MYO5A: variants seen among roughly 807,000 people sequenced by gnomAD.
The protein encoded by MYO5A is myosin VA, also known as unconventional myosin-Va.
Under a neutral mutation model 249.7 loss-of-function variants are expected in MYO5A, and 98 were observed. That is an observed-to-expected ratio of 0.39 (90% CI 0.33 to 0.46). The LOEUF (loss-of-function observed/expected upper bound fraction) is 0.46, where lower values mean the gene tolerates loss of function less well. MYO5A is among the 20% of genes least tolerant of loss of function. The pLI is 0.98. For synonymous variants in MYO5A, 778 were observed against 810.6 expected, an observed-to-expected ratio of 0.96 and a Z score of 0.68; for missense variants, 1,696 against 2,308.8, an observed-to-expected ratio of 0.73 and a Z score of 5.44.
In MYO5A at chr15:52,387,932, T is replaced by C. The variant is rs957834886; in HGVS notation, c.1669-20A>G. 2.4e-5 allele frequency: 37 copies of C among 1,538,800 alleles called. No individual in the cohort carries two copies. Among genetic ancestry groups the C allele is most frequent in the Non-Finnish European group, 3.1e-5 (35 of 1,113,464 alleles). ...TTCCACCTGAAAACACATGGAAAAA[T>C]CTCCTTAACTGATAAAACTTTTGAA... On this transcript the variant is annotated intron_variant, in intron 13 of 41. Transcript: ENST00000399233.
At chr15:52,512,368 C>T (rs1289114029) in intron 1 of MYO5A, among the ~76,000 whole-genome samples, 1 of 151,860 alleles carries the variant, frequency 6.6e-6, no homozygotes, top group Non-Finnish European at 1.5e-5. Flanking sequence ...GCAGGGGTCT[C>T]GTTCAGTAAC....
At chr15:52,519,770 G>A (rs12901958) in intron 1 of MYO5A, among the ~76,000 whole-genome samples, 90,532 of 151,286 alleles carry the variant, frequency 0.6, 28,612 homozygotes, top group East Asian at 0.71. Context: ...TTGCTTTGTC[G>A]CCCAGGCTGG....
chr15:52,487,481 T>C (rs1247205004), intron 1 of MYO5A, among the ~76,000 whole-genome samples: 1 of 151,914 alleles, frequency 6.6e-6, no homozygotes, highest in Admixed American at 6.6e-5. Flanking sequence ...CGCAACACTT[T>C]GGGAGGCCGA....
At chr15:52,373,539 T>C (rs187671414) in intron 20 of MYO5A, among the ~76,000 whole-genome samples, 26 of 152,298 alleles carry the variant, frequency 1.7e-4, no homozygotes, top group African/African-American at 5.8e-4. Context: ...CCAAATCTCA[T>C]GAAGGGGAAC....
chr15:52,329,771 C>G (rs993092056), intron 35 of MYO5A, among the ~76,000 whole-genome samples: 2 of 152,030 alleles, frequency 1.3e-5, no homozygotes, highest in Admixed American at 6.6e-5. Context: ...AAGACTCTTG[C>G]TGTGTAGCCC....
intron 1 of MYO5A, among the ~76,000 whole-genome samples, chr15:52,523,521 G>A (rs956634796): frequency 2.0e-5 from 3 of 152,114 alleles, no homozygotes; most frequent in African/African-American, 7.2e-5. Flanking sequence ...AGCATGTCAG[G>A]GGGCTTAGAG....
intron 1 of MYO5A, among the ~76,000 whole-genome samples, chr15:52,468,636 C>T (rs2076398526): frequency 6.6e-6 from 1 of 152,184 alleles, no homozygotes; most frequent in Non-Finnish European, 1.5e-5. Flanking sequence ...TGCCAGTGCA[C>T]TCCAGCCTTG....
At chr15:52,435,265 C>CTTTTTTTTTTT (rs35456308) in intron 1 of MYO5A, among the ~76,000 whole-genome samples, 2 of 113,720 alleles carry the variant, frequency 1.8e-5, no homozygotes, top group African/African-American at 3.4e-5. Flanking sequence ...ACGTTAACCT[C>CTTTTTTTTTTT]TTTTTTTTTT....
intron 24 of MYO5A, among the ~76,000 whole-genome samples, chr15:52,360,330 A>C (rs1230301426): frequency 1.3e-5 from 2 of 152,252 alleles, no homozygotes; most frequent in Non-Finnish European, 2.9e-5. Flanking sequence ...ACTTCTGATT[A>C]TTAGTCGAGT....
intron 1 of MYO5A, 120 bp from the exon 2 acceptor site, chr15:52,433,405 G>GA: frequency 4.7e-6 from 2 of 422,840 alleles, no homozygotes; most frequent in Non-Finnish European, 8.6e-6. Flanking sequence ...TGGCCAACAT[G>GA]AAATTCACTT....
intron 30 of MYO5A, among the ~76,000 whole-genome samples, chr15:52,343,839 C>T (rs779000372): frequency 7.2e-5 from 11 of 152,246 alleles, no homozygotes; most frequent in African/African-American, 9.6e-5. Flanking sequence ...TTATTAAAAA[C>T]GTATAATTAG....
rs534096785 is a variant in MYO5A at position 52,425,428 on chromosome 15, CGGCT to C, written c.455+398_455+401del. On this transcript the variant is annotated intron_variant, in intron 4 of 41. Transcript: ENST00000399233. Reference sequence around the variant, plus strand: ...AGGTTGGAGTGCAGTGGCACAATCTCGGCTCACTGCAACCTCTGTCTCCCAGGTT... The same window carrying C: ...AGGTTGGAGTGCAGTGGCACAATCTCCACTGCAACCTCTGTCTCCCAGGTT... Among the ~76,000 whole-genome samples, 1,136 of 152,230 alleles carry C rather than the reference CGGCT, an allele frequency of 7.5e-3. 8 individuals carry two copies. The highest frequency in any genetic ancestry group is 0.011 in the Non-Finnish European group (755 of 68,000).
At chr15:52,496,715 G>C (rs2077044472) in intron 1 of MYO5A, among the ~76,000 whole-genome samples, 1 of 152,184 alleles carries the variant, frequency 6.6e-6, no homozygotes, top group Admixed American at 6.5e-5. Flanking sequence ...GACTATGAGG[G>C]CTTCATTGTA....
chr15:52,407,505 G>A (rs1476912995), intron 7 of MYO5A, 106 bp from the exon 8 acceptor site: 1 of 646,570 alleles, frequency 1.5e-6, no homozygotes, highest in African/African-American at 1.8e-5. Context: ...TGAGTGTACA[G>A]CATCTAGAGT....
intron 4 of MYO5A, among the ~76,000 whole-genome samples, chr15:52,417,876 T>C (rs2043585949): frequency 6.6e-6 from 1 of 152,192 alleles, no homozygotes; most frequent in South Asian, 2.1e-4. Context: ...TCACCCAGTC[T>C]GTGGTATTCT....
At chr15:52,384,098 G>A (rs979670483) in intron 15 of MYO5A, 63 bp downstream of exon 15, 3 of 1,591,614 alleles carry the variant, frequency 1.9e-6, no homozygotes, top group Non-Finnish European at 2.6e-6. Flanking sequence ...GAAGAGGGAA[G>A]ATCTGAGGTT....
At chr15:52,512,160 C>CA (rs535878540) in intron 1 of MYO5A, among the ~76,000 whole-genome samples, 31,855 of 93,208 alleles carry the variant, frequency 0.34, 4,132 homozygotes, top group Middle Eastern at 0.44. Context: ...AAGACTGTCT[C>CA]AAAAAAAAAA....
At chr15:52,528,020 G>A (rs549169659) in intron 1 of MYO5A, among the ~76,000 whole-genome samples, 1 of 152,302 alleles carries the variant, frequency 6.6e-6, no homozygotes, top group East Asian at 1.9e-4. Flanking sequence ...GAGATCGCCA[G>A]ACCCTGAGTA....
At chr15:52,478,167 T>C (rs2076638233) in intron 1 of MYO5A, among the ~76,000 whole-genome samples, 1 of 152,200 alleles carries the variant, frequency 6.6e-6, no homozygotes, top group Non-Finnish European at 1.5e-5. Context: ...CAGACTGCTG[T>C]GCTAGCAGTG....
Sources: gnomAD v4.1 joint callset for allele counts (sites outside exome capture counted in the v4.1 genomes callset) on GRCh38, gnomAD v4.1.1 for gene constraint, MANE v1.5 for transcripts, NCBI Gene and HGNC (gene_info 2026-07-23, HGNC 2026-07-21) for gene names.